Variants in ZFR observed in about 807,000 individuals in gnomAD.
ZFR encodes the protein zinc finger RNA binding protein.
ZFR carries 19 observed loss-of-function variants against 130.7 expected under a neutral mutation model. The ratio of observed to expected loss-of-function variants is 0.15; its 90% confidence interval spans 0.10 to 0.21. ZFR has a LOEUF of 0.21. ZFR is among the 10% of genes least tolerant of loss of function. ZFR has a pLI of 1.00. For synonymous variants in ZFR, 466 were observed against 456.9 expected (o/e 1.02, Z -0.25); for missense variants, 872 against 1,321.5 (o/e 0.66, Z 5.27).
Position 32,444,231 on chromosome 5 carries a change from A to G in ZFR, c.135T>C (p.Tyr45=), listed in dbSNP as rs1392820093. The G allele has an allele frequency of 6.3e-7, 1 of 1,593,568 alleles. No homozygotes were observed. Among genetic ancestry groups the G allele is most frequent in the Non-Finnish European group, 8.5e-7 (1 of 1,171,518 alleles). ...GAAAAAAAAQ[Y]SQQPASGVAY... ...GAGAGAAGGCAGGATGCCGTTACCT[A>G]TATTGGGCCGCAGCCGCCGCCGCCG... The change falls in exon 2 of 20, where the codon TAT becomes TAC. Residue 45 remains tyrosine (Y), a splice_region_variant and synonymous_variant. Transcript: ENST00000265069.
chr5:32,415,050 G>A lies in ZFR; in HGVS notation c.703C>T (p.Gln235Ter). Residue 235 changes from glutamine to a stop codon, truncating the protein, a stop_gained, in exon 5 of 20, where the codon CAG becomes TAG. Coordinates refer to ENST00000265069, the MANE Select transcript of ZFR (RefSeq NM_016107.5). LOFTEE classifies it high-confidence loss of function. The part of the protein sequence containing the change: ...FSIYPVSSTV[Q>*]PVAAAATVVP... ...ACAGTAGCCGCAGCTGCTACTGGCTGTACGGTGGAGGATACAGGATAGATG... is the reference window on the plus strand; with the variant it reads ...ACAGTAGCCGCAGCTGCTACTGGCTATACGGTGGAGGATACAGGATAGATG... The A allele has an allele frequency of 6.2e-7, 1 of 1,614,164 alleles. No homozygotes were observed. Among genetic ancestry groups the A allele is most frequent in the African/African-American group, 1.3e-5 (1 of 75,034 alleles).
chr5:32,358,583 G>C lies in ZFR; in HGVS notation c.3046-2644C>G, dbSNP rs150025507. ...GCAGAGGCAGAATGGCATGAACCCC[G>C]GAGGCGGCTGCACTCCAGCCTGGGC... On this transcript the variant is annotated intron_variant, in intron 19 of 19. Coordinates refer to ENST00000265069, the MANE Select transcript of ZFR (RefSeq NM_016107.5). 3.9e-5 allele frequency among the ~76,000 whole-genome samples: 6 copies of C among 152,186 alleles called. No homozygotes were observed. In the East Asian group the frequency reaches 1.2e-3, roughly 29 times the overall value.
At position 32,399,986 on chromosome 5, in the gene ZFR, T is replaced by C. The variant is rs1439066592; in HGVS notation, c.1713+21A>G. The stretch of plus-strand genomic sequence containing the variant: ...TTCCCTTTATCCAATTTCACAGCAA[T>C]GGTATTCTCAAATCAATTACCTCTT... On this transcript the variant is annotated intron_variant, in intron 9 of 19. Coordinates refer to ENST00000265069, the MANE Select transcript of ZFR (RefSeq NM_016107.5). 2.5e-6 allele frequency: 4 copies of C among 1,576,858 alleles called. No individual in the cohort carries two copies. In the African/African-American group the frequency reaches 5.4e-5, roughly 21 times the overall value.
intron 2 of ZFR, among the ~76,000 whole-genome samples, chr5:32,440,871 T>C (rs1429374459): frequency 6.6e-6 from 1 of 152,208 alleles, no homozygotes; most frequent in Non-Finnish European, 1.5e-5. Flanking sequence ...TAGTGTGCCA[T>C]TATGAATCTC....
intron 17 of ZFR, among the ~76,000 whole-genome samples, chr5:32,371,330 A>G (rs897985901): frequency 6.6e-6 from 1 of 152,238 alleles, no homozygotes; most frequent in African/African-American, 2.4e-5. Flanking sequence ...GGGCTGCTCC[A>G]TCGCCCTCCA....
intron 19 of ZFR, among the ~76,000 whole-genome samples, chr5:32,359,984 T>C (rs1752396263): frequency 6.6e-6 from 1 of 152,016 alleles, no homozygotes. Flanking sequence ...TCCTTGTTAC[T>C]TCATGAATAA....
intron 2 of ZFR, among the ~76,000 whole-genome samples, chr5:32,423,022 T>C (rs540281772): frequency 6.6e-6 from 1 of 151,820 alleles, no homozygotes; most frequent in Non-Finnish European, 1.5e-5. Flanking sequence ...AATAAGACTT[T>C]CAAGACTTCC....
At chr5:32,412,753 T>C (rs951300954) in intron 5 of ZFR, among the ~76,000 whole-genome samples, 4 of 152,204 alleles carry the variant, frequency 2.6e-5, no homozygotes, top group Non-Finnish European at 4.4e-5. Flanking sequence ...AAACTTATAT[T>C]GCTGAGCCAT....
intron 19 of ZFR, among the ~76,000 whole-genome samples, chr5:32,356,424 G>GT (rs1337517811): frequency 3.3e-5 from 5 of 151,988 alleles, no homozygotes; most frequent in Admixed American, 1.3e-4. Context: ...GTTTTGTTTT[G>GT]TTTTTTGAGA....
intron 19 of ZFR, among the ~76,000 whole-genome samples, chr5:32,360,865 T>C (rs149320541): frequency 6.6e-6 from 1 of 152,312 alleles, no homozygotes; most frequent in African/African-American, 2.4e-5. Context: ...CTGTTCGGAT[T>C]ACAGGCATGA....
chr5:32,422,583 A>G (rs1753980482), intron 2 of ZFR, among the ~76,000 whole-genome samples: 1 of 151,686 alleles, frequency 6.6e-6, no homozygotes, highest in Non-Finnish European at 1.5e-5. Flanking sequence ...GACTGCTTGA[A>G]GTCAGGAGTT....
intron 15 of ZFR, among the ~76,000 whole-genome samples, chr5:32,382,204 G>C (rs947206979): frequency 1.3e-5 from 2 of 152,112 alleles, no homozygotes; most frequent in South Asian, 4.1e-4. Flanking sequence ...TCAGCTACTT[G>C]GGAGGCTGAG....
chr5:32,362,691 C>T (rs1243487329), intron 19 of ZFR, among the ~76,000 whole-genome samples: 1 of 152,204 alleles, frequency 6.6e-6, no homozygotes. Context: ...TGTTTTCCTC[C>T]TCATCCAAGT....
Position 32,403,099 on chromosome 5 carries a change from T to A in ZFR, c.1516+7A>T. ...AGTCAGCAGGGACAGAGAATATCAG[T>A]ACTTGCCAACAAAATTTATTTTGGG... On this transcript the variant is annotated splice_region_variant and intron_variant, in intron 8 of 19. Transcript: ENST00000265069. 1 of 1,612,826 alleles carries A rather than the reference T, an allele frequency of 6.2e-7. No individual in the cohort carries two copies. Among genetic ancestry groups the A allele is most frequent in the Non-Finnish European group, 8.5e-7 (1 of 1,179,302 alleles).
chr5:32,364,198 A>C lies in ZFR; in HGVS notation c.2913T>G (p.Val971=), dbSNP rs760949082. 19 of 1,612,414 alleles carry C rather than the reference A, an allele frequency of 1.2e-5. No homozygotes were observed. The East Asian group carries it at 4.2e-4, about 36-fold the overall frequency. The change falls in exon 18 of 20, where the codon GTT becomes GTG. Residue 971 remains valine (V), a synonymous_variant. Coordinates refer to ENST00000265069, the MANE Select transcript of ZFR (RefSeq NM_016107.5). Reference sequence around the variant, plus strand: ...TAATCCCTGAAGAAATGCATTCAAAAACTCTTCTCAGTGCATCCCCAGGGC... The same window carrying C: ...TAATCCCTGAAGAAATGCATTCAAACACTCTTCTCAGTGCATCCCCAGGGC... ...PQSPGDALRR[V]FECISSGIIL...
chr5:32,364,702 A>G (rs1415843435), intron 17 of ZFR: 1 of 152,340 alleles, frequency 6.6e-6, no homozygotes, highest in Non-Finnish European at 1.5e-5. Flanking sequence ...GCGCCATTGC[A>G]CTCTAGCACC....
At chr5:32,392,114 A>G (rs917820323) in intron 11 of ZFR, among the ~76,000 whole-genome samples, 20 of 152,344 alleles carry the variant, frequency 1.3e-4, no homozygotes, top group African/African-American at 4.6e-4. Flanking sequence ...TTGAGGAAAA[A>G]ATGAATAAAA....
intron 19 of ZFR, 69 bp downstream of exon 19, chr5:32,363,879 G>T: frequency 7.8e-7 from 1 of 1,289,708 alleles, no homozygotes; most frequent in South Asian, 1.3e-5. Context: ...TATTCCTTAA[G>T]ACAATAACAG....
intron 17 of ZFR, among the ~76,000 whole-genome samples, chr5:32,378,766 T>G (rs948604460): frequency 6.6e-6 from 1 of 151,942 alleles, no homozygotes; most frequent in African/African-American, 2.4e-5. Flanking sequence ...TACATTATTT[T>G]AAAAAATGTC....
Sources: allele counts gnomAD v4.1 joint callset (sites outside exome capture counted in the v4.1 genomes callset), GRCh38; gene constraint gnomAD v4.1.1; transcripts MANE v1.5; gene names NCBI Gene and HGNC (gene_info 2026-07-23, HGNC 2026-07-21).